The following CLEC16A variants were observed in gnomAD, a reference collection of about 807,000 sequenced individuals.
CLEC16A encodes C-type lectin domain containing 16A, also known as protein CLEC16A.
CLEC16A carries 51 observed loss-of-function variants against 109.5 expected under a neutral mutation model. The ratio of observed to expected loss-of-function variants is 0.47; its 90% CI spans 0.37 to 0.59. The LOEUF is 0.59. CLEC16A is among the 20% of genes least tolerant of loss of function. The pLI, the probability that CLEC16A is intolerant of heterozygous loss-of-function variation, is 0.00. For synonymous variants in CLEC16A, 673 were observed against 564.2 expected (o/e 1.19, Z -2.73); for missense variants, 1,339 against 1,394.0 (o/e 0.96, Z 0.63).
intron 1 of CLEC16A, 112 bp from the exon 2 acceptor site, chr16:10,957,670 C>A (rs1021328506): frequency 9.0e-7 from 1 of 1,109,236 alleles, no homozygotes; most frequent in African/African-American, 1.5e-5. Flanking sequence ...TTGCATTACC[C>A]AAACCTGAAA....
At chr16:11,000,415 C>G (rs2044600152) in intron 10 of CLEC16A, among the ~76,000 whole-genome samples, 1 of 152,148 alleles carries the variant, frequency 6.6e-6, no homozygotes. Flanking sequence ...TTGCCCTGCG[C>G]TTGGTCTCTA....
At chr16:11,172,992 G>A (rs1239761342) in intron 23 of CLEC16A, among the ~76,000 whole-genome samples, 1 of 152,066 alleles carries the variant, frequency 6.6e-6, no homozygotes, top group African/African-American at 2.4e-5. Flanking sequence ...TGCTGTTGAC[G>A]GCCCAGTGCA....
At chr16:10,991,109 T>TA (rs1480458000) in intron 10 of CLEC16A, among the ~76,000 whole-genome samples, 4 of 151,712 alleles carry the variant, frequency 2.6e-5, no homozygotes, top group Non-Finnish European at 5.9e-5. Flanking sequence ...AGAGGAACAA[T>TA]AAAGCAAATA....
chr16:11,057,800 T>C (rs1180841347), intron 18 of CLEC16A, among the ~76,000 whole-genome samples: 1 of 152,182 alleles, frequency 6.6e-6, no homozygotes, highest in Non-Finnish European at 1.5e-5. Flanking sequence ...AGGAGTGTGG[T>C]TGGAAGAACA....
chr16:11,161,906 C>G (rs576423717), intron 22 of CLEC16A, among the ~76,000 whole-genome samples: 1 of 152,160 alleles, frequency 6.6e-6, no homozygotes, highest in African/African-American at 2.4e-5. Flanking sequence ...GGCTGCTGGC[C>G]GGCTCTGAAT....
At chr16:11,166,577 A>G (rs1597616835) in intron 23 of CLEC16A, 25 bp downstream of exon 23, 1 of 1,550,894 alleles carries the variant, frequency 6.4e-7, no homozygotes, top group East Asian at 2.4e-5. Flanking sequence ...ACTCAGTGAT[A>G]TGGGGACATT....
At chr16:11,077,471 CAAAA>C (rs562378755) in intron 19 of CLEC16A, among the ~76,000 whole-genome samples, 2 of 61,306 alleles carry the variant, frequency 3.3e-5, no homozygotes, top group Non-Finnish European at 7.9e-5. Context: ...GACTCTGTCT[CAAAA>C]AAAAAAAAAA....
chr16:11,132,226 G>GCCCC (rs1555498080), intron 22 of CLEC16A, among the ~76,000 whole-genome samples: 6 of 59,098 alleles, frequency 1.0e-4, no homozygotes, highest in African/African-American at 2.5e-4. Context: ...AGTAGTCATC[G>GCCCC]CCCACCCACC....
At chr16:11,069,321 G>T (rs1289894022) in intron 19 of CLEC16A, among the ~76,000 whole-genome samples, 1 of 152,106 alleles carries the variant, frequency 6.6e-6, no homozygotes, top group East Asian at 1.9e-4. Flanking sequence ...TAGAGACAGG[G>T]TTTCACTATG....
chr16:11,167,974 C>T (rs981037846), intron 23 of CLEC16A, among the ~76,000 whole-genome samples: 1 of 152,200 alleles, frequency 6.6e-6, no homozygotes, highest in African/African-American at 2.4e-5. Context: ...CCCCAACGCA[C>T]ATATTTACCG....
At chr16:11,035,101 A>G (rs2046950169) in intron 13 of CLEC16A, among the ~76,000 whole-genome samples, 2 of 152,238 alleles carry the variant, frequency 1.3e-5, no homozygotes, top group South Asian at 4.1e-4. Flanking sequence ...ATTAAATGCC[A>G]TCCTAAGTAC....
At chr16:11,043,066 TTG>T (rs1383916177) in intron 15 of CLEC16A, among the ~76,000 whole-genome samples, 5 of 135,422 alleles carry the variant, frequency 3.7e-5, no homozygotes, top group African/African-American at 1.7e-4. Context: ...GTATATATGT[TTG>T]TGTATATATA....
chr16:10,948,177 G>A (rs2041527292), intron 1 of CLEC16A, among the ~76,000 whole-genome samples: 2 of 152,224 alleles, frequency 1.3e-5, no homozygotes, highest in South Asian at 2.1e-4. Context: ...ACAGGCATGA[G>A]CCACTGCACC....
At chr16:11,082,249 G>T (rs1035107889) in intron 19 of CLEC16A, among the ~76,000 whole-genome samples, 2 of 152,180 alleles carry the variant, frequency 1.3e-5, no homozygotes, top group East Asian at 3.9e-4. Context: ...AAATCGCGAC[G>T]GCGTGCTCTG....
intron 19 of CLEC16A, among the ~76,000 whole-genome samples, chr16:11,075,390 GTGTGTGTGTGTGTGTGTGTGTC>G (rs1453988138): frequency 7.7e-5 from 10 of 129,748 alleles, no homozygotes; most frequent in African/African-American, 2.8e-4. Context: ...GTGTGTGTGT[GTGTGTGTGTGTGTGTGTGTGTC>G]TGTGTGTGTG....
intron 6 of CLEC16A, 26 bp downstream of exon 6, chr16:10,972,585 G>C: frequency 6.2e-7 from 1 of 1,600,950 alleles, no homozygotes. Context: ...CTGGTTTTCT[G>C]CTTTCTTAAT....
chr16:11,140,492 G>A (rs953884562), intron 22 of CLEC16A, among the ~76,000 whole-genome samples: 3 of 152,198 alleles, frequency 2.0e-5, no homozygotes, highest in Non-Finnish European at 4.4e-5. Flanking sequence ...TCAGCACAGT[G>A]GTCTAGCATC....
intron 10 of CLEC16A, among the ~76,000 whole-genome samples, chr16:10,985,683 TGCTGG>T (rs1208125728): frequency 6.6e-6 from 1 of 151,550 alleles, no homozygotes; most frequent in East Asian, 1.9e-4. Flanking sequence ...AACCAGAGAT[TGCTGG>T]GCTCTGGGGT....
rs116206113 is a variant in CLEC16A at position 10,997,955 on chromosome 16, G to A, written c.1072-5119G>A. Among the ~76,000 whole-genome samples, 928 of 152,322 alleles carry A rather than the reference G, an allele frequency of 6.1e-3. 12 individuals carry two copies. Among genetic ancestry groups the A allele is most frequent in the African/African-American group, 0.021 (890 of 41,562 alleles). ...GTAAGCTGCTGTACCCACACCTGGT[G>A]GAACATGTTTGTTTGACATCTGTCT... On this transcript the variant is annotated intron_variant, in intron 10 of 23. Coordinates refer to ENST00000409790, the MANE Select transcript of CLEC16A (RefSeq NM_015226.3).
Sources: gnomAD v4.1 joint callset for allele counts (sites outside exome capture counted in the v4.1 genomes callset) on GRCh38, gnomAD v4.1.1 for gene constraint, MANE v1.5 for transcripts, NCBI Gene and HGNC (gene_info 2026-07-23, HGNC 2026-07-21) for gene names.